The following CHPF2 variants were observed in gnomAD, a reference collection of about 807,000 sequenced individuals.
CHPF2 encodes the protein chondroitin polymerizing factor 2, non-catalytic subunit.
CHPF2 carries 58 observed loss-of-function variants against 63.0 expected under a neutral mutation model. The ratio of observed to expected loss-of-function variants is 0.92; its 90% CI spans 0.75 to 1.15. The LOEUF (loss-of-function observed/expected upper bound fraction) is 1.15, where lower values mean the gene tolerates loss of function less well. Among genes scored for constraint, CHPF2 ranks in the 50% most tolerant of loss-of-function variants. CHPF2 has a pLI of 0.00. For synonymous variants in CHPF2, 442 were observed against 438.0 expected, an observed-to-expected ratio of 1.01 and a Z score of -0.11; for missense variants, 1,045 against 1,035.4, an observed-to-expected ratio of 1.01 and a Z score of -0.13.
Position 151,235,541 on chromosome 7 carries a change from G to T in CHPF2, c.757G>T (p.Ala253Ser). 6.2e-7 allele frequency: 1 copy of T among 1,611,030 alleles called. No homozygotes were observed. Among genetic ancestry groups the T allele is most frequent in the Non-Finnish European group, 8.5e-7 (1 of 1,180,020 alleles). The change falls in exon 2 of 4, where the codon GCC becomes TCC. Residue 253 changes from alanine (A) to serine (S), a missense_variant. Coordinates refer to ENST00000035307, the MANE Select transcript of CHPF2 (RefSeq NM_019015.3). ...LDGCRGDILSARPDEWLGRCL... is the reference protein window; with the variant it reads ...LDGCRGDILSSRPDEWLGRCL... The stretch of plus-strand genomic sequence containing the variant: ...TGGCTGCCGAGGAGACATTCTCAGT[G>T]CCCGTCCTGACGAGTGGCTTGGACG...
chr7:151,238,568 C>A lies in CHPF2; in HGVS notation c.2206C>A (p.Arg736=), dbSNP rs754410084. The A allele has an allele frequency of 3.7e-6, 6 of 1,612,846 alleles. No homozygotes were observed. In the Middle Eastern group the frequency reaches 5.0e-4, roughly 133 times the overall value. Residue 736 remains arginine (R), a synonymous_variant, in exon 4 of 4, where the codon CGG becomes AGG. Coordinates refer to ENST00000035307, the MANE Select transcript of CHPF2 (RefSeq NM_019015.3). ...QKFSLRDCSP[R]LSEELYHRCR... ...GTTCTCCCTGCGAGACTGCAGCCCACGGCTCAGTGAAGAACTCTACCACCG... is the reference window on the plus strand; with the variant it reads ...GTTCTCCCTGCGAGACTGCAGCCCAAGGCTCAGTGAAGAACTCTACCACCG...
Position 151,237,972 on chromosome 7 carries a change from G to A in CHPF2, c.1610G>A (p.Gly537Glu), listed in dbSNP as rs200593460. Residue 537 changes from glycine to glutamate, a missense_variant, in exon 4 of 4, where the codon GGA becomes GAA. Physicochemically the swap from Gly to Glu is moderately conservative, Grantham distance 98. Transcript: ENST00000035307. Reference sequence around the variant, plus strand: ...TACGGGCCACGAGAAGGTGGCCGTGGAGCTCCAGACCCATTTCTTGGGGTG... The same window carrying A: ...TACGGGCCACGAGAAGGTGGCCGTGAAGCTCCAGACCCATTTCTTGGGGTG... Reference protein sequence around the residue: ...LVYGPREGGRGAPDPFLGVKA... With the variant: ...LVYGPREGGREAPDPFLGVKA... The A allele has an allele frequency of 8.1e-6, 13 of 1,613,112 alleles. No homozygotes were observed. The highest frequency in any genetic ancestry group is 1.1e-5 in the Non-Finnish European group (13 of 1,180,056).
In CHPF2 at chr7:151,237,395, G is replaced by A. The variant is rs200973294; in HGVS notation, c.1033G>A (p.Val345Met). The A allele has an allele frequency of 2.7e-5, 44 of 1,601,530 alleles. No homozygotes were observed. Among genetic ancestry groups the A allele is most frequent in the Non-Finnish European group, 3.3e-5 (39 of 1,170,560 alleles). Reference protein sequence around the residue: ...QLQAQIRNLTVLTPEGEAGLS... With the variant: ...QLQAQIRNLTMLTPEGEAGLS... Reference sequence around the variant, plus strand: ...CCAGGCTCAGATCCGGAACCTGACCGTGCTGACCCCCGAAGGGGAGGCAGG... The same window carrying A: ...CCAGGCTCAGATCCGGAACCTGACCATGCTGACCCCCGAAGGGGAGGCAGG... The change falls in exon 4 of 4, where the codon GTG becomes ATG. Residue 345 changes from valine to methionine, a missense_variant. By Grantham distance (21) the Val-to-Met change is conservative. Coordinates refer to ENST00000035307, the MANE Select transcript of CHPF2 (RefSeq NM_019015.3).
At position 151,238,325 on chromosome 7, in the gene CHPF2, T is replaced by C. The variant is rs1241048750; in HGVS notation, c.1963T>C (p.Ser655Pro). 3 of 1,607,394 alleles carry C rather than the reference T, an allele frequency of 1.9e-6. No homozygotes were observed. The African/African-American group carries it at 4.0e-5, about 22-fold the overall frequency. Residue 655 changes from serine (S) to proline (P), a missense_variant, in exon 4 of 4, where the codon TCC becomes CCC. Transcript: ENST00000035307. ...DPPSPPGADP[S>P]RGAPIGGRFD... ...CCCCTCCCCTCCTGGTGCTGACCCC[T>C]CCCGGGGGGCTCCTATAGGGGGGAG...
chr7:151,237,929 C>T lies in CHPF2; in HGVS notation c.1567C>T (p.Leu523Phe), dbSNP rs749228087. 9.3e-6 allele frequency: 15 copies of T among 1,613,046 alleles called. No homozygotes were observed. The South Asian group carries it at 1.5e-4, about 17-fold the overall frequency. ...CCTGGAGCCACGAGAACATGCATTG[C>T]TCACCCTGTTGCTGGTCTACGGGCC... ...NVLEPREHAL[L>F]TLLLVYGPRE... Residue 523 changes from leucine (L) to phenylalanine (F), a missense_variant, in exon 4 of 4, where the codon CTC becomes TTC. Transcript: ENST00000035307.
intron 3 of CHPF2, 23 bp from the exon 4 acceptor site, chr7:151,237,351 G>A (rs762001433): frequency 6.4e-7 from 1 of 1,554,232 alleles, no homozygotes; most frequent in East Asian, 2.3e-5. Flanking sequence ...GCACTAATGT[G>A]AGGTGCATTC....
In CHPF2 at chr7:151,237,500, G is replaced by A. The variant is rs1301512189; in HGVS notation, c.1138G>A (p.Glu380Lys). 1 of 1,614,028 alleles carries A rather than the reference G, an allele frequency of 6.2e-7. No individual in the cohort carries two copies. Among genetic ancestry groups the A allele is most frequent in the Non-Finnish European group, 8.5e-7 (1 of 1,180,026 alleles). The change falls in exon 4 of 4, where the codon GAG becomes AAG. Residue 380 changes from glutamate (E) to lysine (K), a missense_variant. By Grantham distance (56) the Glu-to-Lys change is moderately conservative. Transcript: ENST00000035307. ...FEVLGWDYFT[E>K]QHTFSCADGA... is the part of the protein sequence containing the mutation. ...GGTGCTGGGCTGGGACTACTTCACA[G>A]AGCAGCACACCTTCTCCTGTGCAGA...
rs560874444 is a variant in CHPF2 at position 151,234,555 on chromosome 7, G to A, written c.263+281G>A. 9.9e-5 allele frequency among the ~76,000 whole-genome samples: 15 copies of A among 152,258 alleles called. No individual in the cohort carries two copies. The South Asian group carries it at 1.0e-3, about 11-fold the overall frequency. ...CGCCCAGGCTGGAGTGCAATGGTGC[G>A]ATATTGGCTCACTGCAATCTCTGCC... On this transcript the variant is annotated intron_variant, in intron 1 of 3. Coordinates refer to ENST00000035307, the MANE Select transcript of CHPF2 (RefSeq NM_019015.3).
At position 151,233,486 on chromosome 7, in the gene CHPF2, G is replaced by A. The variant is rs1045165108; in HGVS notation, c.-526G>A. The A allele has an allele frequency of 2.0e-6, 2 of 985,720 alleles. No individual in the cohort carries two copies. The highest frequency in any genetic ancestry group is 1.2e-4 in the Admixed American group (2 of 16,278). 61.1% of individuals were successfully genotyped at this position (985,720 alleles called of 1,614,324 possible). On this transcript the variant is annotated 5_prime_UTR_variant, in exon 1 of 4. Coordinates refer to ENST00000035307, the MANE Select transcript of CHPF2 (RefSeq NM_019015.3). Reference sequence around the variant, plus strand: ...CAGTGGCTCAGCAGCCCCTTCAGTAGCCCGCCTGAGGACCGATGCCAGAGG... The same window carrying A: ...CAGTGGCTCAGCAGCCCCTTCAGTAACCCGCCTGAGGACCGATGCCAGAGG...
At chr7:151,234,322 G>A in intron 1 of CHPF2, 48 bp downstream of exon 1, 1 of 1,410,782 alleles carries the variant, frequency 7.1e-7, no homozygotes, top group Non-Finnish European at 9.4e-7. Context: ...CCCTGTTTTG[G>A]GCTGGTGTAA....
chr7:151,233,460 G>T lies in CHPF2; in HGVS notation c.-552G>T. On this transcript the variant is annotated 5_prime_UTR_variant, in exon 1 of 4. Transcript: ENST00000035307. ...TTCCCTTGTGCCCACCGGGCCTGCC[G>T]CAGTGGCTCAGCAGCCCCTTCAGTA... 1 of 985,706 alleles carries T rather than the reference G, an allele frequency of 1.0e-6. No homozygotes were observed. Among genetic ancestry groups the T allele is most frequent in the Non-Finnish European group, 1.2e-6 (1 of 830,134 alleles). The allele number at this position is 985,706 out of a possible 1,614,324, so 61.1% of individuals were successfully genotyped here. A position where few individuals can be genotyped will look rare whatever the true frequency, so the allele number is the denominator to read the frequency against.
intron 3 of CHPF2, 82 bp downstream of exon 3, chr7:151,236,672 C>T (rs1309773304): frequency 2.0e-5 from 26 of 1,318,590 alleles, no homozygotes; most frequent in South Asian, 4.5e-5. Context: ...GTGCAATGAA[C>T]GAGCAGCTGG....
In CHPF2 at chr7:151,232,812, G is replaced by A; in HGVS notation, c.-1200G>A. ...CGCTCCCGCCGACTGGCCTGAGAAC[G>A]AGGTCTGTGCCCCAGTCTCCCAGCC... On this transcript the variant is annotated 5_prime_UTR_variant, in exon 1 of 4. Transcript: ENST00000035307. 1 of 1,496,878 alleles carries A rather than the reference G, an allele frequency of 6.7e-7. No individual in the cohort carries two copies. Among genetic ancestry groups the A allele is most frequent in the Non-Finnish European group, 8.9e-7 (1 of 1,129,852 alleles). The allele number at this position is 1,496,878 out of a possible 1,614,324, so 92.7% of individuals were successfully genotyped here.
In CHPF2 at chr7:151,233,775, C is replaced by G; in HGVS notation, c.-237C>G. ...ATTGTTTCATTTATTACCGTTTTGGCTGGGGGTTAGTTCCGACACCTTCAC... is the reference window on the plus strand; with the variant it reads ...ATTGTTTCATTTATTACCGTTTTGGGTGGGGGTTAGTTCCGACACCTTCAC... On this transcript the variant is annotated 5_prime_UTR_variant, in exon 1 of 4. Transcript: ENST00000035307. The G allele has an allele frequency of 8.1e-7, 1 of 1,227,130 alleles. No homozygotes were observed. The allele number at this position is 1,227,130 out of a possible 1,614,324, so 76.0% of individuals were successfully genotyped here. A position where few individuals can be genotyped will look rare whatever the true frequency, so the allele number is the denominator to read the frequency against.
chr7:151,238,257 C>T lies in CHPF2; in HGVS notation c.1895C>T (p.Pro632Leu), dbSNP rs779043581. ...HFQEFNPALSPQRSPPGPPGA... is the reference protein window; with the variant it reads ...HFQEFNPALSLQRSPPGPPGA... Reference sequence around the variant, plus strand: ...CAGGAGTTCAATCCTGCCCTGTCACCACAGAGATCACCCCCAGGGCCCCCG... The same window carrying T: ...CAGGAGTTCAATCCTGCCCTGTCACTACAGAGATCACCCCCAGGGCCCCCG... Residue 632 changes from proline (P) to leucine (L), a missense_variant, in exon 4 of 4, where the codon CCA becomes CTA. Pro to Leu is a moderately conservative substitution (Grantham distance 98). Coordinates refer to ENST00000035307, the MANE Select transcript of CHPF2 (RefSeq NM_019015.3). The T allele has an allele frequency of 5.6e-6, 9 of 1,612,678 alleles. No homozygotes were observed. In the African/African-American group the frequency reaches 9.3e-5, roughly 17 times the overall value.
chr7:151,237,798 C>T lies in CHPF2; in HGVS notation c.1436C>T (p.Pro479Leu). ...CCACTGAGCCGGGTGGAAATCCTAC[C>T]TATGCCCTATGTCACTGAGGCCACC... The part of the protein sequence containing the change: ...LRPLSRVEIL[P>L]MPYVTEATRV... Residue 479 changes from proline to leucine, a missense_variant, in exon 4 of 4, where the codon CCT becomes CTT. Transcript: ENST00000035307. 6.2e-7 allele frequency: 1 copy of T among 1,612,694 alleles called. No individual in the cohort carries two copies. Among genetic ancestry groups the T allele is most frequent in the South Asian group, 1.1e-5 (1 of 91,092 alleles).
chr7:151,236,987 G>A (rs1802676871), intron 3 of CHPF2: 2 of 530,106 alleles, frequency 3.8e-6, no homozygotes, highest in African/African-American at 3.8e-5. Context: ...GGGTAGAAGG[G>A]AGAATTCTCA....
In CHPF2 at chr7:151,235,537, C is replaced by T. The variant is rs768796057; in HGVS notation, c.753C>T (p.Leu251=). 1.2e-6 allele frequency: 2 copies of T among 1,611,188 alleles called. No homozygotes were observed. Among genetic ancestry groups the T allele is most frequent in the Non-Finnish European group, 1.7e-6 (2 of 1,180,024 alleles). The part of the protein sequence containing the change: ...PHLDGCRGDI[L]SARPDEWLGR... ...TGGATGGCTGCCGAGGAGACATTCT[C>T]AGTGCCCGTCCTGACGAGTGGCTTG... The change falls in exon 2 of 4, where the codon CTC becomes CTT. Residue 251 remains leucine (L), a synonymous_variant. Coordinates refer to ENST00000035307, the MANE Select transcript of CHPF2 (RefSeq NM_019015.3).
chr7:151,234,903 A>C (rs558501451), intron 1 of CHPF2, 145 bp from the exon 2 acceptor site: 59 of 581,920 alleles, frequency 1.0e-4, no homozygotes, highest in African/African-American at 9.3e-4. Context: ...GTGGATACTC[A>C]GTTCAGTACC....
Sources: allele counts gnomAD v4.1 joint callset (sites outside exome capture counted in the v4.1 genomes callset), GRCh38; gene constraint gnomAD v4.1.1; transcripts MANE v1.5; gene names NCBI Gene and HGNC (gene_info 2026-07-23, HGNC 2026-07-21).